The following NMU variants were observed in gnomAD, a reference collection of about 807,000 sequenced individuals.
The protein encoded by NMU is neuromedin U, also known as neuromedin-U.
NMU carries 29 observed loss-of-function variants against 35.4 expected under a neutral mutation model. That is an observed-to-expected ratio of 0.82 (90% CI 0.61 to 1.12). The LOEUF is 1.12. Among genes scored for constraint, NMU ranks in the 50% most tolerant of loss-of-function variants. The pLI is 0.00. For synonymous variants in NMU, 78 were observed against 81.3 expected, an observed-to-expected ratio of 0.96 and a Z score of 0.22; for missense variants, 199 against 206.2, an observed-to-expected ratio of 0.97 and a Z score of 0.21.
chr4:55,618,762 CTCTCTTTCT>C (rs1176437979), intron 2 of NMU, among the ~76,000 whole-genome samples: 62 of 59,330 alleles, frequency 1.0e-3, no homozygotes, highest in African/African-American at 3.2e-3. Flanking sequence ...TCTTTCTTCT[CTCTCTTTCT>C]TCTCTTTCTT....
At position 55,612,467 on chromosome 4, in the gene NMU, A is replaced by G. The variant is rs188633699; in HGVS notation, c.220-3288T>C. The stretch of plus-strand genomic sequence containing the variant: ...TAGAAAATACAAAACAATAAGAAGA[A>G]AATACCCAGTGATGTCATGTGTCAA... On this transcript the variant is annotated intron_variant, in intron 3 of 9. Coordinates refer to ENST00000264218, the MANE Select transcript of NMU (RefSeq NM_006681.4). Among the ~76,000 whole-genome samples the G allele has an allele frequency of 5.4e-4, 82 of 152,312 alleles. No homozygotes were observed. In the Middle Eastern group the frequency reaches 0.017, roughly 32 times the overall value.
At chr4:55,604,027 A>ATATACATGTGTATAT (rs1733567304) in intron 7 of NMU, among the ~76,000 whole-genome samples, 32 of 28,930 alleles carry the variant, frequency 1.1e-3, no homozygotes, top group South Asian at 4.6e-3. Flanking sequence ...GTATATATAT[A>ATATACATGTGTATAT]ATCCTAGAAA....
At chr4:55,603,453 C>G (rs1733509167) in intron 7 of NMU, among the ~76,000 whole-genome samples, 1 of 152,048 alleles carries the variant, frequency 6.6e-6, no homozygotes, top group East Asian at 1.9e-4. Flanking sequence ...CTTTCTCTTA[C>G]TAATACGATC....
intron 1 of NMU, among the ~76,000 whole-genome samples, chr4:55,630,988 A>T (rs1471867499): frequency 2.6e-5 from 4 of 152,238 alleles, no homozygotes; most frequent in Non-Finnish European, 5.9e-5. Flanking sequence ...AGGCATTTAG[A>T]CTAACGGAAA....
At chr4:55,616,244 T>C in intron 3 of NMU, 94 bp downstream of exon 3, 1 of 860,694 alleles carries the variant, frequency 1.2e-6, no homozygotes, top group East Asian at 2.4e-5. Flanking sequence ...TGACATGTTT[T>C]CACGAACACA....
At chr4:55,599,018 T>C (rs1458163078) in intron 9 of NMU, 124 bp downstream of exon 9, 2 of 666,780 alleles carry the variant, frequency 3.0e-6, no homozygotes, top group South Asian at 3.7e-5. Context: ...AATCAAATAA[T>C]AGAAATACAT....
Position 55,636,177 on chromosome 4 carries a change from T to A in NMU, c.16A>T (p.Ser6Cys). The change falls in exon 1 of 10, where the codon AGC becomes TGC. Residue 6 changes from serine to cysteine, a missense_variant. Transcript: ENST00000264218. This position sits in a 1 kb window ranked among gnomAD's most constrained non-coding sequence, Gnocchi z 4.0. The stretch of plus-strand genomic sequence containing the variant: ...CCGGCGGGCGACCTGGGGCGGCAGC[T>A]CTCTGTTCGCAGCATCTCGGCGGCT... MLRTESCRPRSPAGQV... is the reference protein window; with the variant it reads MLRTECCRPRSPAGQV... 1 of 1,505,654 alleles carries A rather than the reference T, an allele frequency of 6.6e-7. No individual in the cohort carries two copies. 93.3% of individuals were successfully genotyped at this position (1,505,654 alleles called of 1,614,324 possible). A position where few individuals can be genotyped will look rare whatever the true frequency, so the allele number is the denominator to read the frequency against.
chr4:55,617,038 T>C (rs1285891238), intron 2 of NMU, among the ~76,000 whole-genome samples: 1 of 152,216 alleles, frequency 6.6e-6, no homozygotes, highest in Non-Finnish European at 1.5e-5. Context: ...AGTTAAGCAC[T>C]AAGCTGGATG....
rs1344001050 is a variant in NMU at position 55,616,350 on chromosome 4, A to C, written c.207T>G (p.Asp69Glu). ...CAATTGGAATTACCTGAGGCTGAGAATCAATGGACAGAAAAGACGAACAAG... is the reference window on the plus strand; with the variant it reads ...CAATTGGAATTACCTGAGGCTGAGACTCAATGGACAGAAAAGACGAACAAG... ...DDTCSSFLSI[D>E]SQPQASNALE... Residue 69 changes from aspartate to glutamate, a missense_variant, in exon 3 of 10, where the codon GAT becomes GAG. Asp to Glu is a conservative substitution (Grantham distance 45). Coordinates refer to ENST00000264218, the MANE Select transcript of NMU (RefSeq NM_006681.4). The C allele has an allele frequency of 6.2e-7, 1 of 1,612,162 alleles. No individual in the cohort carries two copies. The highest frequency in any genetic ancestry group is 1.1e-5 in the South Asian group (1 of 91,046).
At chr4:55,609,330 G>T (rs1733836682) in intron 3 of NMU, 151 bp from the exon 4 acceptor site, 1 of 650,124 alleles carries the variant, frequency 1.5e-6, no homozygotes. Context: ...GGAATCCTTT[G>T]ATTTCTCTCA....
chr4:55,603,666 A>G (rs1013195390), intron 7 of NMU, among the ~76,000 whole-genome samples: 2 of 151,670 alleles, frequency 1.3e-5, no homozygotes, highest in Admixed American at 6.6e-5. Flanking sequence ...TAATACCAGC[A>G]CTTTGGGAAG....
intron 2 of NMU, among the ~76,000 whole-genome samples, chr4:55,625,274 C>CT (rs561798315): frequency 1.4e-5 from 2 of 144,488 alleles, no homozygotes; most frequent in South Asian, 2.3e-4. Context: ...AGAATGTATA[C>CT]TTTTTTTTTG....
rs1249067129 is a variant in NMU, at chr4:55,636,108, G to T, written c.85C>A (p.Leu29Ile). Residue 29 changes from leucine to isoleucine, a missense_variant, in exon 1 of 10, where the codon CTC becomes ATC. Leu to Ile is a conservative substitution (Grantham distance 5). Coordinates refer to ENST00000264218, the MANE Select transcript of NMU (RefSeq NM_006681.4). This position sits in a 1 kb window ranked among gnomAD's most constrained non-coding sequence, Gnocchi z 4.0. ...CGGCAGGCGCCCGCGCACCAGGCGA[G>T]CAGCAGCAGCAGCAGCAGGAGCGGG... The part of the protein sequence containing the change: ...ASPLLLLLLL[L>I]AWCAGACRGA... 1.4e-6 allele frequency: 2 copies of T among 1,466,490 alleles called. No individual in the cohort carries two copies. Among genetic ancestry groups the T allele is most frequent in the African/African-American group, 1.4e-5 (1 of 69,802 alleles). 90.8% of individuals were successfully genotyped at this position (1,466,490 alleles called of 1,614,324 possible).
At chr4:55,616,210 C>A in intron 3 of NMU, 128 bp downstream of exon 3, 1 of 728,800 alleles carries the variant, frequency 1.4e-6, no homozygotes, top group Non-Finnish European at 2.5e-6. Context: ...TTATCTACAG[C>A]AAATGTAATA....
intron 3 of NMU, 73 bp from the exon 4 acceptor site, chr4:55,609,252 A>G (rs1374540188): frequency 1.1e-5 from 12 of 1,131,408 alleles, no homozygotes; most frequent in Non-Finnish European, 1.2e-5. Flanking sequence ...GTAACTACAA[A>G]ATGTTAGGGG....
At chr4:55,596,135 A>G (rs1733171689) in intron 9 of NMU, among the ~76,000 whole-genome samples, 1 of 152,104 alleles carries the variant, frequency 6.6e-6, no homozygotes, top group Non-Finnish European at 1.5e-5. Flanking sequence ...ATTTCCTCCT[A>G]TATTTGCAAC....
At chr4:55,610,463 A>G (rs1733887887) in intron 3 of NMU, among the ~76,000 whole-genome samples, 1 of 144,958 alleles carries the variant, frequency 6.9e-6, no homozygotes, top group South Asian at 2.3e-4. Context: ...ACTCTGTCTC[A>G]GAAAAAAAAA....
intron 1 of NMU, among the ~76,000 whole-genome samples, chr4:55,633,859 T>C (rs1421314938): frequency 6.6e-6 from 1 of 152,210 alleles, no homozygotes; most frequent in Non-Finnish European, 1.5e-5. Flanking sequence ...TTTGATAACT[T>C]ATTGTCACAG....
intron 1 of NMU, among the ~76,000 whole-genome samples, chr4:55,631,390 C>G (rs6823777): frequency 0.45 from 68,694 of 151,938 alleles, 15,741 homozygotes; most frequent in South Asian, 0.48. Context: ...AACAGACAAC[C>G]CACAGAGTAG....
Sources: allele counts gnomAD v4.1 joint callset (sites outside exome capture counted in the v4.1 genomes callset), GRCh38; gene constraint gnomAD v4.1.1; non-coding constraint Gnocchi (gnomAD v3.1); transcripts MANE v1.5; gene names NCBI Gene and HGNC (gene_info 2026-07-23, HGNC 2026-07-21).